ACTB: variants seen among roughly 807,000 people sequenced by gnomAD.
ACTB encodes actin beta, also known as actin, cytoplasmic 1.
Under a neutral mutation model 30.5 loss-of-function variants are expected in ACTB, and 2 were observed. The observed-to-expected ratio is 0.07, with a 90% CI of 0.03 to 0.21. The LOEUF (loss-of-function observed/expected upper bound fraction) is 0.21. Among genes scored for constraint, ACTB ranks in the 10% least tolerant of loss-of-function variants. The probability of loss-of-function intolerance (pLI) is 1.00; values close to 1 mark genes in which losing one functional copy is unlikely to be tolerated. For missense variants in ACTB, 56 were observed against 530.0 expected, an observed-to-expected ratio of 0.11 and a Z score of 8.78; for synonymous variants, 335 against 217.6, an observed-to-expected ratio of 1.54 and a Z score of -4.75.
In ACTB at chr7:5,527,481, C is replaced by T. The variant is rs7612; in HGVS notation, c.*267G>A. On this transcript the variant is annotated 3_prime_UTR_variant, in exon 6 of 6. Transcript: ENST00000646664. The stretch of plus-strand genomic sequence containing the variant: ...GATGGCAAGGGACTTCCTGTAACAA[C>T]GCATCTCATATTTGGAATGACTATT... The T allele has an allele frequency of 0.35, 194,092 of 551,678 alleles. 35,029 individuals are homozygous for T. The highest frequency in any genetic ancestry group is 0.4 in the African/African-American group (21,026 of 52,434). The allele number at this position is 551,678 out of a possible 1,614,324, so 34.2% of individuals were successfully genotyped here. A position where few individuals can be genotyped will look rare whatever the true frequency, so the allele number is the denominator to read the frequency against.
At chr7:5,528,253 G>A (rs1193012684) in intron 4 of ACTB, 28 bp downstream of exon 4, 4 of 1,613,802 alleles carry the variant, frequency 2.5e-6, no homozygotes, top group Admixed American at 3.3e-5. Flanking sequence ...CTCATGTCAG[G>A]CAGAGCCGGG....
Position 5,528,384 on chromosome 7 carries a change from G to A in ACTB, c.699C>T (p.Ser233=), listed in dbSNP as rs745673720. Residue 233 remains serine (S), a synonymous_variant, in exon 4 of 6, where the codon AGC becomes AGT. Transcript: ENST00000646664. ...GCTCGTAGCTCTTCTCCAGGGAGGA[G>A]CTGGAAGCAGCCGTGGCCATCTCTT... The part of the protein sequence containing the change: ...FEQEMATAAS[S]SSLEKSYELP... 2.1e-5 allele frequency: 34 copies of A among 1,613,998 alleles called. No individual in the cohort carries two copies. The highest frequency in any genetic ancestry group is 2.7e-5 in the African/African-American group (2 of 74,942).
Position 5,527,832 on chromosome 7 carries a change from C to T in ACTB, c.1044G>A (p.Ser348=), listed in dbSNP as rs13447409. ...TCCACATCTGCTGGAAGGTGGACAG[C>T]GAGGCCAGGATGGAGCCGCCGATCC... is the stretch of plus-strand genomic sequence containing the variant. ...SVWIGGSILA[S]LSTFQQMWIS... is the part of the protein sequence containing the mutation. The change falls in exon 6 of 6, where the codon TCG becomes TCA. Residue 348 remains serine (S), a synonymous_variant. Transcript: ENST00000646664. The T allele has an allele frequency of 2.5e-4, 395 of 1,612,224 alleles. 1 individual carries two copies. The Admixed American group carries it at 6.3e-3, about 26-fold the overall frequency.
In ACTB at chr7:5,529,574, C is replaced by T. The variant is rs1584263352; in HGVS notation, c.84G>A (p.Arg28=). ...KAGFAGDDAP[R]AVFPSIVGRP... ...GCCCCACGATGGAGGGGAAGACGGCCCGGGGGGCATCGTCGCCCGCGAAGC... is the reference window on the plus strand; with the variant it reads ...GCCCCACGATGGAGGGGAAGACGGCTCGGGGGGCATCGTCGCCCGCGAAGC... Residue 28 remains arginine, a synonymous_variant, in exon 2 of 6, where the codon CGG becomes CGA. Coordinates refer to ENST00000646664, the MANE Select transcript of ACTB (RefSeq NM_001101.5). The T allele has an allele frequency of 6.2e-7, 1 of 1,611,696 alleles. No homozygotes were observed. The highest frequency in any genetic ancestry group is 8.5e-7 in the Non-Finnish European group (1 of 1,179,610).
intron 1 of ACTB, chr7:5,530,084 G>A (rs2966450): frequency 0.34 from 52,081 of 153,192 alleles, 8,955 homozygotes; most frequent in African/African-American, 0.37. Flanking sequence ...CGCACGCGCA[G>A]TTAGCGCCTT....
intron 1 of ACTB, 46 bp downstream of exon 1, chr7:5,530,473 GCCTGC>G (rs1784870609): frequency 1.6e-5 from 1 of 64,264 alleles, no homozygotes; most frequent in African/African-American, 6.5e-5. Flanking sequence ...GGCCGCGGCC[GCCTGC>G]GGCCGGGCCG....
Position 5,527,841 on chromosome 7 carries a change from G to A in ACTB, c.1035C>T (p.Ile345=). 1.2e-6 allele frequency: 2 copies of A among 1,613,754 alleles called. No individual in the cohort carries two copies. Among genetic ancestry groups the A allele is most frequent in the Non-Finnish European group, 8.5e-7 (1 of 1,179,922 alleles). The change falls in exon 6 of 6, where the codon ATC becomes ATT. Residue 345 remains isoleucine (I), a synonymous_variant. Transcript: ENST00000646664. Reference sequence around the variant, plus strand: ...GCTGGAAGGTGGACAGCGAGGCCAGGATGGAGCCGCCGATCCACACGGAGT... The same window carrying A: ...GCTGGAAGGTGGACAGCGAGGCCAGAATGGAGCCGCCGATCCACACGGAGT... The part of the protein sequence containing the change: ...RKYSVWIGGS[I]LASLSTFQQM...
chr7:5,529,825 T>G, intron 1 of ACTB, 162 bp from the exon 2 acceptor site: 1 of 1,188,642 alleles, frequency 8.4e-7, no homozygotes, highest in Non-Finnish European at 1.2e-6. Flanking sequence ...CAAACACTGG[T>G]CGGAGGCGTC....
At chr7:5,529,749 G>A (rs1784844274) in intron 1 of ACTB, 86 bp from the exon 2 acceptor site, 1 of 1,591,514 alleles carries the variant, frequency 6.3e-7, no homozygotes, top group Admixed American at 1.8e-5. Context: ...GCCGCCAGGG[G>A]GCGCCGGCGC....
chr7:5,529,710 T>G (rs576263706), intron 1 of ACTB, 47 bp from the exon 2 acceptor site: 6 of 1,609,556 alleles, frequency 3.7e-6, no homozygotes, highest in Middle Eastern at 1.8e-4. Context: ...GCCCCCGCCC[T>G]GGCCACTTCC....
rs1001654212 is a variant in ACTB, at chr7:5,528,918, C to A, written c.364-199G>T. On this transcript the variant is annotated intron_variant, in intron 3 of 5. Transcript: ENST00000646664. ...ACACCAGCCTCATGGCCTTGTCACA[C>A]GAGCCAGTGTTAGTACCTACACCCA... 7.5e-6 allele frequency: 11 copies of A among 1,468,754 alleles called. No individual in the cohort carries two copies. The African/African-American group carries it at 1.4e-4, about 19-fold the overall frequency. 91.0% of individuals were successfully genotyped at this position (1,468,754 alleles called of 1,614,324 possible).
At position 5,529,423 on chromosome 7, in the gene ACTB, C is replaced by T. The variant is rs369363620; in HGVS notation, c.124-23G>A. 1.9e-6 allele frequency: 3 copies of T among 1,613,834 alleles called. No individual in the cohort carries two copies. The South Asian group carries it at 3.3e-5, about 18-fold the overall frequency. On this transcript the variant is annotated intron_variant, in intron 2 of 5. Transcript: ENST00000646664. ...GCCCTGGGAAGGAAAGGACAAGAAG[C>T]CCTGAGCACGGGCGCAGCCCCCACC...
At position 5,529,559 on chromosome 7, in the gene ACTB, G is replaced by A. The variant is rs749919451; in HGVS notation, c.99C>T (p.Ser33=). Reference sequence around the variant, plus strand: ...CCTGGTGCCTGGGGCGCCCCACGATGGAGGGGAAGACGGCCCGGGGGGCAT... The same window carrying A: ...CCTGGTGCCTGGGGCGCCCCACGATAGAGGGGAAGACGGCCCGGGGGGCAT... ...GDDAPRAVFP[S]IVGRPRHQGV... The change falls in exon 2 of 6, where the codon TCC becomes TCT. Residue 33 remains serine (S), a synonymous_variant. Transcript: ENST00000646664. 5 of 1,611,636 alleles carry A rather than the reference G, an allele frequency of 3.1e-6. No homozygotes were observed. In the East Asian group the frequency reaches 8.9e-5, roughly 29 times the overall value.
At position 5,527,311 on chromosome 7, in the gene ACTB, A is replaced by T; in HGVS notation, c.*437T>A. ...GGCACGAAGGCTCATCATTCAAAATAAAACAAAATAAAAAAGTATTAAGGC... is the reference window on the plus strand; with the variant it reads ...GGCACGAAGGCTCATCATTCAAAATTAAACAAAATAAAAAAGTATTAAGGC... On this transcript the variant is annotated 3_prime_UTR_variant, in exon 6 of 6. Coordinates refer to ENST00000646664, the MANE Select transcript of ACTB (RefSeq NM_001101.5). 1 of 255,128 alleles carries T rather than the reference A, an allele frequency of 3.9e-6. No individual in the cohort carries two copies. Among genetic ancestry groups the T allele is most frequent in the Non-Finnish European group, 7.8e-6 (1 of 128,854 alleles). The allele number at this position is 255,128 out of a possible 1,614,324, so 15.8% of individuals were successfully genotyped here. A position where few individuals can be genotyped will look rare whatever the true frequency, so the allele number is the denominator to read the frequency against.
In ACTB at chr7:5,527,623, CAAAA is replaced by C. The variant is rs370106412; in HGVS notation, c.*121_*124del. On this transcript the variant is annotated 3_prime_UTR_variant, in exon 6 of 6. Transcript: ENST00000646664. ...CCAGTTTTTAAATCCTGAGTCAAGC[CAAAA>C]AAAAAAAAAAAACCAAAACAAAACA... 62 of 1,183,224 alleles carry C rather than the reference CAAAA, an allele frequency of 5.2e-5. No individual in the cohort carries two copies. The highest frequency in any genetic ancestry group is 1.3e-4 in the South Asian group (9 of 70,828). The allele number at this position is 1,183,224 out of a possible 1,614,324, so 73.3% of individuals were successfully genotyped here.
At chr7:5,529,099 C>T (rs564566763) in intron 3 of ACTB, 62 bp downstream of exon 3, 1 of 1,613,462 alleles carries the variant, frequency 6.2e-7, no homozygotes, top group Non-Finnish European at 8.5e-7. Flanking sequence ...TGAGAAAGGG[C>T]GCAGCTCCGG....
chr7:5,530,158 G>T (rs989089155), intron 1 of ACTB, among the ~76,000 whole-genome samples: 34 of 152,008 alleles, frequency 2.2e-4, no homozygotes, highest in African/African-American at 7.5e-4. Flanking sequence ...GCGCCCAAAG[G>T]ACCAGCGCGC....
At position 5,529,206 on chromosome 7, in the gene ACTB, G is replaced by C. The variant is rs201751687; in HGVS notation, c.318C>G (p.Thr106=). The C allele has an allele frequency of 1.1e-5, 17 of 1,614,038 alleles. No individual in the cohort carries two copies. The highest frequency in any genetic ancestry group is 6.7e-5 in the East Asian group (3 of 44,882). The stretch of plus-strand genomic sequence containing the variant: ...TGGCCTTGGGGTTCAGGGGGGCCTC[G>C]GTCAGCAGCACGGGGTGCTCCTCGG... ...VAPEEHPVLL[T]EAPLNPKANR... is the part of the protein sequence containing the mutation. The change falls in exon 3 of 6, where the codon ACC becomes ACG. Residue 106 remains threonine (T), a synonymous_variant. Transcript: ENST00000646664.
intron 2 of ACTB, 67 bp downstream of exon 2, chr7:5,529,468 T>G: frequency 6.8e-6 from 11 of 1,613,168 alleles, no homozygotes; most frequent in Non-Finnish European, 9.3e-6. Context: ...GGGAGGCTCC[T>G]GTGCAGAGAA....
Sources: allele counts gnomAD v4.1 joint callset (sites outside exome capture counted in the v4.1 genomes callset), GRCh38; gene constraint gnomAD v4.1.1; transcripts MANE v1.5; gene names NCBI Gene and HGNC (gene_info 2026-07-23, HGNC 2026-07-21).